The following PFKL variants were observed in gnomAD, a reference collection of about 807,000 sequenced individuals.
PFKL encodes phosphofructokinase, liver type, also known as ATP-dependent 6-phosphofructokinase, liver type.
Under a neutral mutation model 92.1 loss-of-function variants are expected in PFKL, and 74 were observed. That is an observed-to-expected ratio of 0.80 (90% CI 0.67 to 0.97). The LOEUF (loss-of-function observed/expected upper bound fraction) is 0.97. PFKL is among the 50% of genes least tolerant of loss of function. PFKL has a pLI of 0.00. For missense variants in PFKL, 1,028 were observed against 1,116.6 expected (o/e 0.92, Z 1.13); for synonymous variants, 494 against 456.4 (o/e 1.08, Z -1.05).
chr21:44,320,039 G>A (rs754600101), intron 11 of PFKL, 45 bp from the exon 12 acceptor site: 8 of 1,562,798 alleles, frequency 5.1e-6, no homozygotes, highest in African/African-American at 2.7e-5. Flanking sequence ...GCTGTACGCC[G>A]TGGCGCTGCA....
chr21:44,301,158 A>T (rs1317197247), intron 1 of PFKL, among the ~76,000 whole-genome samples: 1 of 152,228 alleles, frequency 6.6e-6, no homozygotes, highest in Non-Finnish European at 1.5e-5. Flanking sequence ...TCTGGAAGCC[A>T]GGAAGAGGCG....
intron 1 of PFKL, among the ~76,000 whole-genome samples, chr21:44,302,139 G>A (rs1390861671): frequency 6.6e-6 from 1 of 152,196 alleles, no homozygotes; most frequent in African/African-American, 2.4e-5. Flanking sequence ...AGTGGGCAGC[G>A]CTTCCTGGCT....
chr21:44,325,784 G>GGA (rs2047489500), intron 19 of PFKL, 177 bp from the exon 20 acceptor site: 4 of 596,810 alleles, frequency 6.7e-6, no homozygotes, highest in Non-Finnish European at 9.0e-6. Flanking sequence ...ACTTGGAGCT[G>GGA]GAGAGAGCAG....
chr21:44,327,031 G>C lies in PFKL; in HGVS notation c.*169G>C. 1 of 632,742 alleles carries C rather than the reference G, an allele frequency of 1.6e-6. No individual in the cohort carries two copies. Among genetic ancestry groups the C allele is most frequent in the Non-Finnish European group, 2.8e-6 (1 of 363,028 alleles). The allele number at this position is 632,742 out of a possible 1,614,324, so 39.2% of individuals were successfully genotyped here. A position where few individuals can be genotyped will look rare whatever the true frequency, so the allele number is the denominator to read the frequency against. ...CTGGCCACCTGCCAGGCCTCCCTCG[G>C]GCTGGTGTCTTGAGACCAGCCTGCC... On this transcript the variant is annotated 3_prime_UTR_variant, in exon 22 of 22. Coordinates refer to ENST00000349048, the MANE Select transcript of PFKL (RefSeq NM_002626.6).
At chr21:44,323,976 G>A in intron 16 of PFKL, 58 bp downstream of exon 16, 4 of 1,594,730 alleles carry the variant, frequency 2.5e-6, no homozygotes, top group South Asian at 2.2e-5. Flanking sequence ...GTGGGGCTGA[G>A]CCTACGGAGG....
intron 1 of PFKL, chr21:44,304,334 C>T (rs1484523543): frequency 7.8e-7 from 1 of 1,288,186 alleles, no homozygotes; most frequent in Admixed American, 2.3e-5. Context: ...GGCTGACCCG[C>T]CCAGTGGCAC....
rs2047118558 is a variant in PFKL, at chr21:44,313,626, C to T, written c.594-12C>T. ...GCTGGCACTGATGCATCCTCCTGTT[C>T]CATCTCCACAGCCACCAGAGGACCT... On this transcript the variant is annotated splice_polypyrimidine_tract_variant and intron_variant, in intron 5 of 21. Transcript: ENST00000349048. 6.2e-7 allele frequency: 1 copy of T among 1,610,584 alleles called. No individual in the cohort carries two copies. The highest frequency in any genetic ancestry group is 8.5e-7 in the Non-Finnish European group (1 of 1,178,984).
rs2040723485 is a variant in PFKL at position 44,300,116 on chromosome 21, T to C, written c.11T>C (p.Val4Ala). Residue 4 changes from valine (V) to alanine (A), a missense_variant, in exon 1 of 22, where the codon GTG becomes GCG. Physicochemically the swap from Val to Ala is moderately conservative, Grantham distance 64 (BLOSUM62 0). Coordinates refer to ENST00000349048, the MANE Select transcript of PFKL (RefSeq NM_002626.6). ...GTTTCGGCCGCCGCCATGGCCGCGG[T>C]GGACCTGGAGAAGCTGCGGGCGTCG... Reference protein sequence around the residue: MAAVDLEKLRASGA... With the variant: MAAADLEKLRASGA... 2 of 1,171,864 alleles carry C rather than the reference T, an allele frequency of 1.7e-6. No homozygotes were observed. The highest frequency in any genetic ancestry group is 2.1e-6 in the Non-Finnish European group (2 of 934,928). 72.6% of individuals were successfully genotyped at this position (1,171,864 alleles called of 1,614,324 possible).
rs2146000172 is a variant in PFKL at position 44,320,138 on chromosome 21, C to T, written c.1182C>T (p.Pro394=). 6.2e-6 allele frequency: 10 copies of T among 1,613,388 alleles called. No homozygotes were observed. Among genetic ancestry groups the T allele is most frequent in the Non-Finnish European group, 7.6e-6 (9 of 1,179,744 alleles). ...AGCTCCTCGCCCACCAGAAGCCCCC[C>T]AAGGAGAAGGTGAGGCAGGGAGCGG... ...IYKLLAHQKP[P]KEKSNFSLAI... is the part of the protein sequence containing the mutation. Residue 394 remains proline (P), a synonymous_variant, in exon 12 of 22, where the codon CCC becomes CCT. Coordinates refer to ENST00000349048, the MANE Select transcript of PFKL (RefSeq NM_002626.6).
At chr21:44,309,208 C>T (rs2041044215) in intron 2 of PFKL, among the ~76,000 whole-genome samples, 3 of 152,112 alleles carry the variant, frequency 2.0e-5, no homozygotes, top group Admixed American at 2.0e-4. Flanking sequence ...GAGACCGATC[C>T]CTTCTCCTTG....
intron 18 of PFKL, 84 bp downstream of exon 18, chr21:44,325,001 G>A (rs1602057373): frequency 2.2e-6 from 3 of 1,340,826 alleles, no homozygotes; most frequent in East Asian, 2.5e-5. Context: ...GGCTGGGCAG[G>A]AGAAGGCAGG....
At chr21:44,324,983 T>C in intron 18 of PFKL, 66 bp downstream of exon 18, 2 of 1,470,744 alleles carry the variant, frequency 1.4e-6, no homozygotes, top group African/African-American at 2.8e-5. Flanking sequence ...GTGGGGCTGC[T>C]GAGGAGCGGC....
rs752163158 is a variant in PFKL at position 44,316,200 on chromosome 21, G to T, written c.748-44G>T. 3 of 1,594,824 alleles carry T rather than the reference G, an allele frequency of 1.9e-6. No homozygotes were observed. In the South Asian group the frequency reaches 3.3e-5, roughly 18 times the overall value. On this transcript the variant is annotated intron_variant, in intron 7 of 21. Transcript: ENST00000349048. ...CACCCGGGGGCTGTGTCCGGGGCAG[G>T]TTTCCCTGCCTGGCAGCTGAGCCCT...
At chr21:44,316,013 G>T (rs562202709) in intron 7 of PFKL, 20 of 560,148 alleles carry the variant, frequency 3.6e-5, no homozygotes, top group South Asian at 3.2e-4. Context: ...CCAGGCTTTC[G>T]GGCAGAGCCC....
Position 44,316,354 on chromosome 21 carries a change from G to C in PFKL, c.843+15G>C, listed in dbSNP as rs113827093. ...ACGTGAAGGACGTGCGTGTGGGCCT[G>C]GGGGTGGCCACTGGGCACCTGCTCC... is the stretch of plus-strand genomic sequence containing the variant. On this transcript the variant is annotated intron_variant, in intron 8 of 21. Coordinates refer to ENST00000349048, the MANE Select transcript of PFKL (RefSeq NM_002626.6). The C allele has an allele frequency of 2.1e-3, 3,307 of 1,612,476 alleles. 71 individuals are homozygous for C. In the African/African-American group the frequency reaches 0.038, roughly 19 times the overall value.
chr21:44,301,833 G>A (rs1404875128), intron 1 of PFKL, among the ~76,000 whole-genome samples: 3 of 152,204 alleles, frequency 2.0e-5, no homozygotes, highest in Non-Finnish European at 4.4e-5. Flanking sequence ...GCAGTGGAGG[G>A]TTGGGAAAGT....
In PFKL at chr21:44,326,594, G is replaced by A. The variant is rs373863008; in HGVS notation, c.2196-121G>A. On this transcript the variant is annotated intron_variant, in intron 21 of 21. Transcript: ENST00000349048. Reference sequence around the variant, plus strand: ...GTCCCAGCTCCACGGATACCGAGATGTTCAGACAGAGGGGCATGCACAGGC... The same window carrying A: ...GTCCCAGCTCCACGGATACCGAGATATTCAGACAGAGGGGCATGCACAGGC... 1,635 of 1,251,078 alleles carry A rather than the reference G, an allele frequency of 1.3e-3. 21 individuals are homozygous for A. The African/African-American group carries it at 0.023, about 18-fold the overall frequency. The allele number at this position is 1,251,078 out of a possible 1,614,324, so 77.5% of individuals were successfully genotyped here.
At chr21:44,317,312 A>T (rs2838550) in intron 9 of PFKL, among the ~76,000 whole-genome samples, 84,538 of 151,938 alleles carry the variant, frequency 0.56, 24,395 homozygotes, top group Non-Finnish European at 0.65. Flanking sequence ...TCGTGTGCTG[A>T]GCCGAGCATT....
At chr21:44,319,973 C>T in intron 11 of PFKL, 111 bp from the exon 12 acceptor site, 1 of 926,204 alleles carries the variant, frequency 1.1e-6, no homozygotes, top group East Asian at 2.5e-5. Context: ...GGCTGAGCTT[C>T]CATCGGGCCG....
Sources: gnomAD v4.1 joint callset for allele counts (sites outside exome capture counted in the v4.1 genomes callset) on GRCh38, gnomAD v4.1.1 for gene constraint, MANE v1.5 for transcripts, NCBI Gene and HGNC (gene_info 2026-07-23, HGNC 2026-07-21) for gene names.